PTPRD: variants seen among roughly 807,000 people sequenced by gnomAD.
The protein encoded by PTPRD is receptor-type tyrosine-protein phosphatase delta.
PTPRD carries 34 observed loss-of-function variants against 214.5 expected under a neutral mutation model. That is an observed-to-expected ratio of 0.16 (90% CI 0.12 to 0.21). The LOEUF (loss-of-function observed/expected upper bound fraction) is 0.21. PTPRD is among the 10% of genes least tolerant of loss of function. PTPRD has a pLI of 1.00. For missense variants in PTPRD, 2,545 were observed against 2,398.7 expected, an observed-to-expected ratio of 1.06 and a Z score of -1.27; for synonymous variants, 1,128 against 845.7, an observed-to-expected ratio of 1.33 and a Z score of -5.79.
intron 10 of PTPRD, among the ~76,000 whole-genome samples, chr9:9,108,606 G>A (rs1431625325): frequency 1.3e-5 from 2 of 152,040 alleles, no homozygotes; most frequent in African/African-American, 2.4e-5. Context: ...TATGGTAACC[G>A]AAGCAATGGA....
At position 10,388,656 on chromosome 9, in the gene PTPRD, T is replaced by G. The variant is rs181423545; in HGVS notation, c.-599-47639A>C. On this transcript the variant is annotated intron_variant, in intron 2 of 45. Transcript: ENST00000381196. ...AAAAGGAAGGCAGAGGCTTTGGACT[T>G]AAGAAAATTTGCTGCAGACACCAGC... is the stretch of plus-strand genomic sequence containing the variant. 1.1e-4 allele frequency among the ~76,000 whole-genome samples: 17 copies of G among 151,950 alleles called. No homozygotes were observed. The East Asian group carries it at 3.3e-3, about 30-fold the overall frequency.
rs543851736 is a variant in PTPRD at position 9,105,955 on chromosome 9, C to G, written c.-143+77349G>C. ...GAAGTGGAGGGAAGCATTCAACTTC[C>G]TAAGGCAGAATCTCTGTAGACCTGC... On this transcript the variant is annotated intron_variant, in intron 10 of 45. Coordinates refer to ENST00000381196, the MANE Select transcript of PTPRD (RefSeq NM_002839.4). 2.0e-5 allele frequency among the ~76,000 whole-genome samples: 3 copies of G among 151,964 alleles called. No individual in the cohort carries two copies. In the East Asian group the frequency reaches 5.8e-4, roughly 29 times the overall value.
chr9:8,567,359 A>G (rs1236315161), intron 14 of PTPRD, among the ~76,000 whole-genome samples: 1 of 152,166 alleles, frequency 6.6e-6, no homozygotes, highest in Non-Finnish European at 1.5e-5. Flanking sequence ...TTTCTCCAAA[A>G]TAATCTTCCC....
intron 7 of PTPRD, among the ~76,000 whole-genome samples, chr9:9,581,804 AAATCTATTGAATACAATGGTATAT>A (rs1435619092): frequency 6.6e-6 from 1 of 152,154 alleles, no homozygotes; most frequent in East Asian, 1.9e-4. Context: ...TAATGTATGT[AAATCTATTGAATACAATGGTATAT>A]AATGCTTGTT....
intron 35 of PTPRD, among the ~76,000 whole-genome samples, chr9:8,417,964 G>C (rs766664462): frequency 1.3e-5 from 2 of 152,114 alleles, no homozygotes; most frequent in Non-Finnish European, 2.9e-5. Context: ...ATTGCACTCT[G>C]TGTCTACATT....
At chr9:9,841,811 C>G (rs1268575767) in intron 5 of PTPRD, among the ~76,000 whole-genome samples, 2 of 152,030 alleles carry the variant, frequency 1.3e-5, no homozygotes, top group African/African-American at 4.8e-5. Flanking sequence ...TAAGGACATT[C>G]ATGTACCTTA....
intron 9 of PTPRD, among the ~76,000 whole-genome samples, chr9:9,395,559 C>T (rs1268918380): frequency 1.3e-5 from 2 of 152,088 alleles, no homozygotes; most frequent in East Asian, 3.9e-4. Context: ...ACCTACAAGA[C>T]TCTGGGTTTC....
chr9:8,688,523 C>A (rs1326327706), intron 12 of PTPRD, among the ~76,000 whole-genome samples: 4 of 150,780 alleles, frequency 2.7e-5, no homozygotes. Flanking sequence ...CGAGATCGCA[C>A]CACTGCGCTC....
chr9:10,036,338 G>A (rs1263058940), intron 3 of PTPRD, among the ~76,000 whole-genome samples: 4 of 151,952 alleles, frequency 2.6e-5, no homozygotes, highest in Non-Finnish European at 5.9e-5. Flanking sequence ...ATTCCCTGAT[G>A]TATTTCCCTG....
chr9:9,009,610 C>T (rs2099499513), intron 11 of PTPRD, among the ~76,000 whole-genome samples: 3 of 151,436 alleles, frequency 2.0e-5, no homozygotes, highest in African/African-American at 7.3e-5. Context: ...TTTATGAGTG[C>T]TTAGAAATAA....
At chr9:10,210,478 A>G (rs919642405) in intron 3 of PTPRD, among the ~76,000 whole-genome samples, 9 of 151,884 alleles carry the variant, frequency 5.9e-5, no homozygotes, top group African/African-American at 2.2e-4. Flanking sequence ...GACAACACCA[A>G]TATTTTGTAG....
intron 4 of PTPRD, among the ~76,000 whole-genome samples, chr9:9,956,022 T>C (rs1490467609): frequency 3.9e-5 from 6 of 152,270 alleles, no homozygotes; most frequent in African/African-American, 1.2e-4. Flanking sequence ...CCACATTTAT[T>C]TGCAAATGTA....
At chr9:9,965,021 T>A (rs1472693263) in intron 4 of PTPRD, among the ~76,000 whole-genome samples, 1 of 152,206 alleles carries the variant, frequency 6.6e-6, no homozygotes, top group Non-Finnish European at 1.5e-5. Flanking sequence ...GTATTAGGAC[T>A]CTTATTTCAA....
chr9:10,443,223 C>T (rs906683795), intron 2 of PTPRD, among the ~76,000 whole-genome samples: 6 of 151,368 alleles, frequency 4.0e-5, no homozygotes, highest in African/African-American at 1.2e-4. Flanking sequence ...TCTTAGAATC[C>T]GGTCACATAT....
chr9:10,522,339 G>A (rs981987546), intron 2 of PTPRD, among the ~76,000 whole-genome samples: 2 of 152,102 alleles, frequency 1.3e-5, no homozygotes, highest in African/African-American at 2.4e-5. Context: ...CATCACAAGC[G>A]TCCTCTTCAG....
At chr9:8,874,992 G>C (rs1236023362) in intron 11 of PTPRD, among the ~76,000 whole-genome samples, 1 of 152,160 alleles carries the variant, frequency 6.6e-6, no homozygotes, top group African/African-American at 2.4e-5. Context: ...TAGAAGAGAA[G>C]TCAAAAATAT....
At chr9:9,679,826 G>GA (rs1416453165) in intron 7 of PTPRD, among the ~76,000 whole-genome samples, 1 of 151,894 alleles carries the variant, frequency 6.6e-6, no homozygotes, top group African/African-American at 2.4e-5. Context: ...TGAAGGTGTA[G>GA]AAAATCTGCC....
At chr9:9,853,717 G>A (rs2060990536) in intron 5 of PTPRD, among the ~76,000 whole-genome samples, 1 of 151,782 alleles carries the variant, frequency 6.6e-6, no homozygotes, top group Non-Finnish European at 1.5e-5. Context: ...CCCAGCTAAT[G>A]TTTGTATTTT....
Position 9,776,558 on chromosome 9 carries a change from A to G in PTPRD, c.-367-9707T>C, listed in dbSNP as rs376165351. Among the ~76,000 whole-genome samples, 78 of 152,324 alleles carry G rather than the reference A, an allele frequency of 5.1e-4. 1 individual carries two copies. The South Asian group carries it at 0.015, about 30-fold the overall frequency. On this transcript the variant is annotated intron_variant, in intron 5 of 45. Coordinates refer to ENST00000381196, the MANE Select transcript of PTPRD (RefSeq NM_002839.4). ...TGTGAAAAAATAAACAATATGATTC[A>G]TAGTGTAATTTATTATTTGTTGCTC...
Sources: gnomAD v4.1 joint callset for allele counts (sites outside exome capture counted in the v4.1 genomes callset) on GRCh38, gnomAD v4.1.1 for gene constraint, MANE v1.5 for transcripts, NCBI Gene and HGNC (gene_info 2026-07-23, HGNC 2026-07-21) for gene names.